Variants in ARHGEF26 observed in about 807,000 individuals in gnomAD.
ARHGEF26 encodes Rho guanine nucleotide exchange factor (GEF) 26.
A neutral mutation model predicts 89.4 loss-of-function variants in ARHGEF26; 59 were observed. The observed-to-expected ratio is 0.66, with a 90% CI of 0.54 to 0.82. The LOEUF (loss-of-function observed/expected upper bound fraction) is 0.82. Ranked by LOEUF, ARHGEF26 falls within the 40% of genes least tolerant of loss-of-function variation. The pLI is 0.00. For synonymous variants in ARHGEF26, 500 were observed against 428.4 expected, an observed-to-expected ratio of 1.17 and a Z score of -2.06; for missense variants, 1,234 against 1,085.6, an observed-to-expected ratio of 1.14 and a Z score of -1.92.
chr3:154,223,321 A>G (rs1208169245), intron 10 of ARHGEF26, among the ~76,000 whole-genome samples: 1 of 152,198 alleles, frequency 6.6e-6, no homozygotes, highest in Non-Finnish European at 1.5e-5. Context: ...CATAAGAGTT[A>G]CTACTATATG....
chr3:154,240,892 A>G (rs1187525718), intron 12 of ARHGEF26, among the ~76,000 whole-genome samples: 2 of 152,164 alleles, frequency 1.3e-5, no homozygotes, highest in African/African-American at 4.8e-5. Context: ...AATATGATAC[A>G]CTATCCTTAA....
At chr3:154,174,079 C>T (rs1712644535) in intron 6 of ARHGEF26, among the ~76,000 whole-genome samples, 1 of 152,168 alleles carries the variant, frequency 6.6e-6, no homozygotes, top group Admixed American at 6.5e-5. Flanking sequence ...AGAGCTCTCT[C>T]TACAGGGAGA....
chr3:154,250,317 C>T (rs1254417148), intron 12 of ARHGEF26, among the ~76,000 whole-genome samples: 6 of 152,148 alleles, frequency 3.9e-5, no homozygotes, highest in Non-Finnish European at 8.8e-5. Flanking sequence ...GTGAGCCGCC[C>T]CGCCCGGCCT....
intron 12 of ARHGEF26, among the ~76,000 whole-genome samples, chr3:154,251,450 A>C (rs1718140739): frequency 6.6e-6 from 1 of 152,234 alleles, no homozygotes; most frequent in African/African-American, 2.4e-5. Flanking sequence ...TGAGTTATAT[A>C]ATTCATTCAT....
chr3:154,221,193 A>C (rs981526822), intron 10 of ARHGEF26, among the ~76,000 whole-genome samples: 1 of 152,140 alleles, frequency 6.6e-6, no homozygotes, highest in African/African-American at 2.4e-5. Context: ...AACTGCTACC[A>C]GAAAAGGAAA....
chr3:154,154,217 C>T (rs1326680750), intron 6 of ARHGEF26, among the ~76,000 whole-genome samples: 1 of 151,992 alleles, frequency 6.6e-6, no homozygotes, highest in Non-Finnish European at 1.5e-5. Context: ...TGCTATATGA[C>T]ATTTTAAGAT....
At chr3:154,203,790 G>A (rs1299998539) in intron 9 of ARHGEF26, among the ~76,000 whole-genome samples, 1 of 150,086 alleles carries the variant, frequency 6.7e-6, no homozygotes, top group Admixed American at 6.6e-5. Context: ...TGATTGGTTT[G>A]CCTATGTTGA....
chr3:154,135,826 A>G (rs1201801267), intron 4 of ARHGEF26, among the ~76,000 whole-genome samples: 1 of 152,134 alleles, frequency 6.6e-6, no homozygotes, highest in Admixed American at 6.5e-5. Context: ...TTTTAGATAG[A>G]TTTTGACTAG....
At chr3:154,158,903 C>A (rs1711513793) in intron 6 of ARHGEF26, among the ~76,000 whole-genome samples, 1 of 151,966 alleles carries the variant, frequency 6.6e-6, no homozygotes, top group Non-Finnish European at 1.5e-5. Flanking sequence ...ATGTGATTAA[C>A]TTACAATGAT....
At chr3:154,251,813 C>T (rs527671946) in intron 12 of ARHGEF26, among the ~76,000 whole-genome samples, 1 of 152,236 alleles carries the variant, frequency 6.6e-6, no homozygotes, top group South Asian at 2.1e-4. Context: ...TAATGGAAAA[C>T]AAGAGCAGTC....
At chr3:154,169,437 C>G (rs1235995203) in intron 6 of ARHGEF26, among the ~76,000 whole-genome samples, 1 of 151,872 alleles carries the variant, frequency 6.6e-6, no homozygotes, top group Non-Finnish European at 1.5e-5. Flanking sequence ...CAGTCTCTGC[C>G]TTTTCTTATA....
chr3:154,179,712 G>A (rs181547197), intron 6 of ARHGEF26, among the ~76,000 whole-genome samples: 139 of 152,306 alleles, frequency 9.1e-4, no homozygotes, highest in Middle Eastern at 6.8e-3. Context: ...GATGGATGAA[G>A]CTATATATAG....
intron 6 of ARHGEF26, among the ~76,000 whole-genome samples, chr3:154,174,114 G>A (rs34474775): frequency 6.6e-6 from 1 of 152,160 alleles, no homozygotes; most frequent in Non-Finnish European, 1.5e-5. Flanking sequence ...TGCCCTGGCA[G>A]CCAGGCCATA....
At position 154,256,910 on chromosome 3, in the gene ARHGEF26, A is replaced by C. The variant is rs1294927594; in HGVS notation, c.*1437A>C. On this transcript the variant is annotated 3_prime_UTR_variant, in exon 15 of 15. Transcript: ENST00000465093. ...GTTATCTTAATAGTCGGTTTCATGG[A>C]GATGAAGGATGGGAGATTAAGAGGG... 1 of 1,535,100 alleles carries C rather than the reference A, an allele frequency of 6.5e-7. No individual in the cohort carries two copies. The highest frequency in any genetic ancestry group is 1.4e-5 in the African/African-American group (1 of 73,088).
rs374418097 is a variant in ARHGEF26, at chr3:154,166,252, A to T, written c.1487+13320A>T. Reference sequence around the variant, plus strand: ...TTTTTAGTAGAGACGGGGTTTCACCATGTTAGCCAGAATGGTCTCGATCTC... The same window carrying T: ...TTTTTAGTAGAGACGGGGTTTCACCTTGTTAGCCAGAATGGTCTCGATCTC... On this transcript the variant is annotated intron_variant, in intron 6 of 14. Coordinates refer to ENST00000465093, the MANE Select transcript of ARHGEF26 (RefSeq NM_015595.4). Among the ~76,000 whole-genome samples, 19 of 152,112 alleles carry T rather than the reference A, an allele frequency of 1.2e-4. 1 individual carries two copies. The highest frequency in any genetic ancestry group is 6.2e-4 in the South Asian group (3 of 4,808).
intron 3 of ARHGEF26, among the ~76,000 whole-genome samples, chr3:154,129,118 TGAGGGCATGA>T (rs1178994608): frequency 7.9e-5 from 12 of 152,220 alleles, no homozygotes; most frequent in Admixed American, 7.9e-4. Context: ...GAGAGGTGGA[TGAGGGCATGA>T]GAGCTCATGA....
rs1188860978 is a variant in ARHGEF26 at position 154,253,016 on chromosome 3, CTT to C, written c.2301-99_2301-98del. 32 of 1,327,908 alleles carry C rather than the reference CTT, an allele frequency of 2.4e-5. 1 individual carries two copies. The highest frequency in any genetic ancestry group is 1.6e-4 in the African/African-American group (11 of 69,064). 82.3% of individuals were successfully genotyped at this position (1,327,908 alleles called of 1,614,324 possible). ...TTTACCATACCTCTCTAGAGAATCT[CTT>C]GTTTTCTGGGAGTGCCTTTGCATTG... On this transcript the variant is annotated intron_variant, in intron 12 of 14. Transcript: ENST00000465093.
chr3:154,237,064 A>G (rs1226532860), intron 11 of ARHGEF26, among the ~76,000 whole-genome samples: 1 of 152,230 alleles, frequency 6.6e-6, no homozygotes, highest in Non-Finnish European at 1.5e-5. Context: ...TAGGGCAGCC[A>G]CAGTTTATCA....
chr3:154,200,395 C>A (rs1164628853), intron 9 of ARHGEF26, among the ~76,000 whole-genome samples: 2 of 151,944 alleles, frequency 1.3e-5, no homozygotes, highest in East Asian at 1.9e-4. Flanking sequence ...TTTCTAAGTT[C>A]TTTTTTCTGC....
Sources: allele counts gnomAD v4.1 joint callset (sites outside exome capture counted in the v4.1 genomes callset), GRCh38; gene constraint gnomAD v4.1.1; transcripts MANE v1.5; gene names NCBI Gene and HGNC (gene_info 2026-07-23, HGNC 2026-07-21).